Variants in ARSB observed in about 807,000 individuals in gnomAD.
The protein encoded by ARSB is N-acetylgalactosamine-4-sulfatase.
ARSB carries 41 observed loss-of-function variants against 50.9 expected under a neutral mutation model. The observed-to-expected ratio is 0.81, with a 90% CI of 0.63 to 1.04. The LOEUF is 1.04. Ranked by LOEUF, ARSB falls within the 50% of genes least tolerant of loss-of-function variation. ARSB has a pLI of 0.00. For missense variants in ARSB, 672 were observed against 693.3 expected, an observed-to-expected ratio of 0.97 and a Z score of 0.35; for synonymous variants, 269 against 284.8, an observed-to-expected ratio of 0.94 and a Z score of 0.56.
rs536364931 is a variant in ARSB, at chr5:78,908,766, C to T, written c.899-22939G>A. Reference sequence around the variant, plus strand: ...TTTTTTTGACATGCATGCATCCACGCTGGCTTTATCCTGACTTATGAATCC... The same window carrying T: ...TTTTTTTGACATGCATGCATCCACGTTGGCTTTATCCTGACTTATGAATCC... On this transcript the variant is annotated intron_variant, in intron 4 of 7. Coordinates refer to ENST00000264914, the MANE Select transcript of ARSB (RefSeq NM_000046.5). 2.4e-4 allele frequency among the ~76,000 whole-genome samples: 36 copies of T among 150,476 alleles called. No individual in the cohort carries two copies. The South Asian group carries it at 7.2e-3, about 30-fold the overall frequency.
chr5:78,902,741 T>C (rs1168474598), intron 4 of ARSB, among the ~76,000 whole-genome samples: 1 of 152,112 alleles, frequency 6.6e-6, no homozygotes, highest in Non-Finnish European at 1.5e-5. Context: ...AAAACATAGA[T>C]TATGTGATTG....
intron 6 of ARSB, among the ~76,000 whole-genome samples, chr5:78,789,698 A>G (rs187786646): frequency 2.3e-4 from 35 of 152,220 alleles, no homozygotes; most frequent in Non-Finnish European, 4.4e-4. Context: ...GGTGGAAGCC[A>G]TAGAGAGAAC....
At chr5:78,838,106 A>G (rs574340900) in intron 6 of ARSB, among the ~76,000 whole-genome samples, 3 of 152,334 alleles carry the variant, frequency 2.0e-5, no homozygotes, top group East Asian at 3.9e-4. Context: ...AAAATACAGG[A>G]GATGCTGACT....
intron 1 of ARSB, among the ~76,000 whole-genome samples, chr5:78,978,882 T>C (rs552738422): frequency 3.9e-5 from 6 of 152,306 alleles, no homozygotes; most frequent in African/African-American, 1.2e-4. Context: ...TAAAATACTA[T>C]AAAACATAGA....
chr5:78,839,196 C>T (rs1327014379), intron 6 of ARSB, among the ~76,000 whole-genome samples, 160 bp downstream of exon 6: 1 of 152,192 alleles, frequency 6.6e-6, no homozygotes, highest in Admixed American at 6.5e-5. Flanking sequence ...TTTCACAGCA[C>T]ACTGCCCTCT....
intron 1 of ARSB, 60 bp downstream of exon 1, chr5:78,984,877 C>G (rs1753084730): frequency 8.1e-7 from 1 of 1,236,912 alleles, no homozygotes; most frequent in African/African-American, 1.6e-5. Flanking sequence ...CGGGTAGGAG[C>G]GGCAGGGCGC....
intron 4 of ARSB, among the ~76,000 whole-genome samples, chr5:78,939,617 AT>A (rs1299533033): frequency 6.6e-6 from 1 of 152,070 alleles, no homozygotes; most frequent in East Asian, 1.9e-4. Context: ...TGAACTCATC[AT>A]TTTTTATGGC....
chr5:78,940,693 T>C (rs907031604), intron 4 of ARSB, among the ~76,000 whole-genome samples: 6 of 152,240 alleles, frequency 3.9e-5, no homozygotes, highest in African/African-American at 1.2e-4. Flanking sequence ...TGTAGCCTTG[T>C]AGCATAGTTT....
chr5:78,957,388 A>C (rs562983141), intron 3 of ARSB, among the ~76,000 whole-genome samples: 1 of 152,304 alleles, frequency 6.6e-6, no homozygotes, highest in African/African-American at 2.4e-5. Flanking sequence ...CATAGAGCTC[A>C]AATAGACCCC....
At chr5:78,847,268 A>T (rs1161160057) in intron 5 of ARSB, among the ~76,000 whole-genome samples, 1 of 152,036 alleles carries the variant, frequency 6.6e-6, no homozygotes, top group Non-Finnish European at 1.5e-5. Flanking sequence ...CCTGGGCTAT[A>T]GGAGCATGCC....
At chr5:78,952,040 C>T (rs953428938) in intron 4 of ARSB, among the ~76,000 whole-genome samples, 1 of 152,066 alleles carries the variant, frequency 6.6e-6, no homozygotes, top group Non-Finnish European at 1.5e-5. Context: ...TTGGATTTAA[C>T]CTAACAAAGC....
At chr5:78,984,880 C>T in intron 1 of ARSB, 57 bp downstream of exon 1, 1 of 1,245,898 alleles carries the variant, frequency 8.0e-7, no homozygotes, top group Non-Finnish European at 1.0e-6. Context: ...GTAGGAGCGG[C>T]AGGGCGCCGG....
chr5:78,853,344 A>T (rs956275040), intron 5 of ARSB, among the ~76,000 whole-genome samples: 1 of 152,232 alleles, frequency 6.6e-6, no homozygotes, highest in African/African-American at 2.4e-5. Context: ...TTGCCTGGGT[A>T]TCAGCAGCGG....
chr5:78,949,963 A>C (rs1463430519), intron 4 of ARSB, among the ~76,000 whole-genome samples: 6 of 152,188 alleles, frequency 3.9e-5, no homozygotes, highest in Non-Finnish European at 7.3e-5. Flanking sequence ...CAATGGCTGC[A>C]TTAAGATGTT....
chr5:78,873,326 A>G (rs1021596311), intron 5 of ARSB, among the ~76,000 whole-genome samples: 2 of 151,984 alleles, frequency 1.3e-5, no homozygotes, highest in African/African-American at 4.8e-5. Context: ...GAGAATAGAA[A>G]TTAAAAGAGA....
chr5:78,801,529 G>A (rs983610166), intron 6 of ARSB, among the ~76,000 whole-genome samples: 4 of 152,194 alleles, frequency 2.6e-5, no homozygotes, highest in African/African-American at 4.8e-5. Flanking sequence ...AAGTGCTGAT[G>A]GATTTGCCAC....
At chr5:78,870,553 A>C (rs1205766197) in intron 5 of ARSB, among the ~76,000 whole-genome samples, 2 of 150,318 alleles carry the variant, frequency 1.3e-5, no homozygotes, top group African/African-American at 4.9e-5. Flanking sequence ...AACAGAGCCA[A>C]AGACAAAAAC....
At chr5:78,904,637 C>A (rs1450429422) in intron 4 of ARSB, among the ~76,000 whole-genome samples, 2 of 150,194 alleles carry the variant, frequency 1.3e-5, no homozygotes, top group African/African-American at 2.4e-5. Context: ...GTTTTTCTTC[C>A]TTTTTTCTGT....
intron 6 of ARSB, among the ~76,000 whole-genome samples, chr5:78,836,442 A>G (rs1323612152): frequency 6.6e-6 from 1 of 152,138 alleles, no homozygotes; most frequent in Non-Finnish European, 1.5e-5. Flanking sequence ...GGCTCCAGAG[A>G]GGGAAGGAAG....
Sources: gnomAD v4.1 joint callset for allele counts (sites outside exome capture counted in the v4.1 genomes callset) on GRCh38, gnomAD v4.1.1 for gene constraint, MANE v1.5 for transcripts, NCBI Gene and HGNC (gene_info 2026-07-23, HGNC 2026-07-21) for gene names.